ARAP2: variants seen among roughly 807,000 people sequenced by gnomAD.
The protein encoded by ARAP2 is arf-GAP with Rho-GAP domain, ANK repeat and PH domain-containing protein 2.
ARAP2 carries 148 observed loss-of-function variants against 194.5 expected under a neutral mutation model. The observed-to-expected ratio is 0.76, with a 90% CI of 0.67 to 0.87. The LOEUF is 0.87. Ranked by LOEUF, ARAP2 falls within the 40% of genes least tolerant of loss-of-function variation. ARAP2 has a pLI of 0.00. For synonymous variants in ARAP2, 695 were observed against 683.5 expected (o/e 1.02, Z -0.26); for missense variants, 2,128 against 1,989.7 (o/e 1.07, Z -1.32).
rs542353164 is a variant in ARAP2, at chr4:36,014,328, A to G, written n.1056+1058T>C. Among the ~76,000 whole-genome samples, 387 of 39,234 alleles carry G rather than the reference A, an allele frequency of 9.9e-3. 18 individuals are homozygous for G. The highest frequency in any genetic ancestry group is 0.035 in the African/African-American group (361 of 10,404). The allele number at this position is 39,234 out of a possible 152,430, so 25.7% of individuals were successfully genotyped here. On this transcript the variant is annotated intron_variant and non_coding_transcript_variant, in intron 8 of 12. Coordinates refer to the ARAP2 transcript ENST00000503225. ...AAGGAAGGAAAGAAAGAAAGAGAGA[A>G]AGAAAGAAAGAAAGAAAGAAAGAAA... is the stretch of plus-strand genomic sequence containing the variant.
intron 5 of ARAP2, among the ~76,000 whole-genome samples, chr4:36,033,048 C>A (rs1393095639): frequency 3.3e-5 from 5 of 152,184 alleles, no homozygotes; most frequent in Admixed American, 3.3e-4. Context: ...TGTATATGCA[C>A]CACATTTCCT....
rs115767804 is a variant in ARAP2, at chr4:36,040,614, G to A, written n.607+5365C>T. Among the ~76,000 whole-genome samples the A allele has an allele frequency of 3.2e-3, 492 of 152,248 alleles. 1 individual carries two copies. Among genetic ancestry groups the A allele is most frequent in the Admixed American group, 6.6e-3 (101 of 15,286 alleles). On this transcript the variant is annotated intron_variant and non_coding_transcript_variant, in intron 5 of 12. Coordinates refer to the ARAP2 transcript ENST00000503225. The stretch of plus-strand genomic sequence containing the variant: ...TATGCTTTCTGTGGCAATTGTGAGC[G>A]AGATTGCCTTCCTGATTTTGCTCTT...
chr4:36,179,709 GA>G (rs1249492223), intron 8 of ARAP2, among the ~76,000 whole-genome samples: 2 of 152,196 alleles, frequency 1.3e-5, no homozygotes, highest in African/African-American at 4.8e-5. Flanking sequence ...CCCAGTTTGG[GA>G]AATGGGACAG....
intron 1 of ARAP2, among the ~76,000 whole-genome samples, chr4:36,232,120 C>T (rs748777450): frequency 6.6e-6 from 1 of 152,232 alleles, no homozygotes; most frequent in African/African-American, 2.4e-5. Flanking sequence ...TTGGACTTCT[C>T]AACCTCTAGA....
At chr4:36,190,411 G>T (rs1023251633) in intron 7 of ARAP2, among the ~76,000 whole-genome samples, 1 of 152,100 alleles carries the variant, frequency 6.6e-6, no homozygotes, top group Non-Finnish European at 1.5e-5. Flanking sequence ...CACCTTTCAT[G>T]TAGTTAATAC....
chr4:36,091,315 A>C (rs985430913), intron 28 of ARAP2, among the ~76,000 whole-genome samples: 6 of 152,124 alleles, frequency 3.9e-5, no homozygotes, highest in Non-Finnish European at 7.4e-5. Flanking sequence ...TTATAGCTAC[A>C]TCATTTATCT....
chr4:36,162,156 ATG>A (rs1175235259), intron 11 of ARAP2, among the ~76,000 whole-genome samples: 5 of 139,028 alleles, frequency 3.6e-5, no homozygotes, highest in Admixed American at 7.2e-5. Context: ...ATATATATAT[ATG>A]TGCATGAGTG....
At chr4:36,051,009 T>C (rs1722570686) in intron 3 of ARAP2, among the ~76,000 whole-genome samples, 1 of 152,248 alleles carries the variant, frequency 6.6e-6, no homozygotes, top group African/African-American at 2.4e-5. Context: ...AAATTTGTCT[T>C]CGCTTTTTCC....
chr4:36,116,778 C>G (rs750548614), intron 25 of ARAP2, among the ~76,000 whole-genome samples: 1 of 151,606 alleles, frequency 6.6e-6, no homozygotes, highest in East Asian at 1.9e-4. Context: ...ACTTGTCTAA[C>G]GTTAGGAAGC....
intron 5 of ARAP2, among the ~76,000 whole-genome samples, chr4:36,023,471 T>C (rs1234215490): frequency 6.6e-6 from 1 of 152,102 alleles, no homozygotes; most frequent in Non-Finnish European, 1.5e-5. Context: ...CTTTCATATG[T>C]TGGGAACATC....
At chr4:36,121,349 A>G (rs926941313) in intron 22 of ARAP2, 23 bp from the exon 23 acceptor site, 2 of 1,546,970 alleles carry the variant, frequency 1.3e-6, no homozygotes, top group Non-Finnish European at 1.7e-6. Context: ...AGCATAGTTT[A>G]TTATGATACA....
At chr4:36,194,182 G>A (rs529121211) in intron 6 of ARAP2, among the ~76,000 whole-genome samples, 5 of 152,226 alleles carry the variant, frequency 3.3e-5, no homozygotes, top group African/African-American at 9.6e-5. Flanking sequence ...TTCAGTGAAA[G>A]ATTAGTATAT....
At chr4:36,122,286 T>G (rs1403096656) in intron 22 of ARAP2, among the ~76,000 whole-genome samples, 1 of 151,750 alleles carries the variant, frequency 6.6e-6, no homozygotes, top group Non-Finnish European at 1.5e-5. Context: ...CAAAGGAATA[T>G]AAATCATTAT....
intron 9 of ARAP2, among the ~76,000 whole-genome samples, chr4:36,169,999 G>A (rs1369062747): frequency 6.6e-6 from 1 of 152,102 alleles, no homozygotes; most frequent in Non-Finnish European, 1.5e-5. Context: ...AAAAACTGTG[G>A]ACATTAAGCC....
At chr4:36,010,805 T>G (rs752590228) in intron 9 of ARAP2, among the ~76,000 whole-genome samples, 10 of 152,172 alleles carry the variant, frequency 6.6e-5, no homozygotes, top group Non-Finnish European at 1.5e-4. Context: ...TATGGTAAGA[T>G]AGCATTTCCT....
At chr4:36,116,492 C>T (rs1577944570) in intron 25 of ARAP2, among the ~76,000 whole-genome samples, 1 of 151,814 alleles carries the variant, frequency 6.6e-6, no homozygotes, top group East Asian at 1.9e-4. Flanking sequence ...GATCAGTACT[C>T]TCAAGGGAGA....
intron 3 of ARAP2, among the ~76,000 whole-genome samples, chr4:36,214,182 G>A (rs1370130778): frequency 6.6e-6 from 1 of 152,116 alleles, no homozygotes; most frequent in Non-Finnish European, 1.5e-5. Flanking sequence ...GATAAATGAA[G>A]CTTGTATAAA....
intron 4 of ARAP2, among the ~76,000 whole-genome samples, chr4:36,212,908 G>C (rs1747081082): frequency 1.3e-5 from 2 of 151,994 alleles, no homozygotes; most frequent in South Asian, 4.1e-4. Flanking sequence ...ATGCACTTCA[G>C]AAGTCTGCAC....
chr4:36,164,696 C>T (rs1368019777), intron 11 of ARAP2, among the ~76,000 whole-genome samples: 4 of 152,144 alleles, frequency 2.6e-5, no homozygotes, highest in African/African-American at 9.7e-5. Context: ...GACCAGTAGG[C>T]ATAAAATATG....
Sources: allele counts gnomAD v4.1 joint callset (sites outside exome capture counted in the v4.1 genomes callset), GRCh38; gene constraint gnomAD v4.1.1; transcripts MANE v1.5; gene names NCBI Gene and HGNC (gene_info 2026-07-23, HGNC 2026-07-21).